The following DOCK1 variants were observed in gnomAD, a reference collection of about 807,000 sequenced individuals.
The protein encoded by DOCK1 is dedicator of cytokinesis protein 1.
Under a neutral mutation model 262.7 loss-of-function variants are expected in DOCK1, and 138 were observed. That is an observed-to-expected ratio of 0.53 (90% CI 0.46 to 0.61). The LOEUF (loss-of-function observed/expected upper bound fraction) is 0.61. DOCK1 is among the 20% of genes least tolerant of loss of function. The pLI is 0.00. For missense variants in DOCK1, 1,908 were observed against 2,370.7 expected, an observed-to-expected ratio of 0.80 and a Z score of 4.05; for synonymous variants, 866 against 867.4, an observed-to-expected ratio of 1.00 and a Z score of 0.03.
In DOCK1 at chr10:126,998,202, T is replaced by G. The variant is rs750006975; in HGVS notation, c.720T>G (p.Ala240=). 23 of 1,614,046 alleles carry G rather than the reference T, an allele frequency of 1.4e-5. No homozygotes were observed. Among genetic ancestry groups the G allele is most frequent in the Non-Finnish European group, 1.9e-5 (22 of 1,179,892 alleles). Residue 240 remains alanine, a synonymous_variant, in exon 8 of 52, where the codon GCT becomes GCG. Transcript: ENST00000623213. ...KNVVCKIGED[A]EVLMSLYDPV... is the part of the protein sequence containing the mutation. ...TGGTTTGTAAAATAGGAGAAGATGCTGAAGTCCTCATGTCTCTATATGACC... is the reference window on the plus strand; with the variant it reads ...TGGTTTGTAAAATAGGAGAAGATGCGGAAGTCCTCATGTCTCTATATGACC...
chr10:126,946,184 A>G lies in DOCK1; in HGVS notation c.47-24518A>G, dbSNP rs894193190. Reference sequence around the variant, plus strand: ...TTTCATTGGCATTAAATACATCTACAGTGTTGTGCTACTCATTCTCTGTTT... The same window carrying G: ...TTTCATTGGCATTAAATACATCTACGGTGTTGTGCTACTCATTCTCTGTTT... On this transcript the variant is annotated intron_variant, in intron 1 of 51. Coordinates refer to ENST00000623213, the MANE Select transcript of DOCK1 (RefSeq NM_001290223.2). Among the ~76,000 whole-genome samples, 8 of 152,294 alleles carry G rather than the reference A, an allele frequency of 5.3e-5. 2 individuals carry two copies. The highest frequency in any genetic ancestry group is 5.2e-4 in the Admixed American group (8 of 15,300).
At chr10:127,442,957 G>A (rs919727361) in intron 49 of DOCK1, among the ~76,000 whole-genome samples, 23 of 152,258 alleles carry the variant, frequency 1.5e-4, no homozygotes, top group African/African-American at 5.3e-4. Context: ...CTCGTGTGGG[G>A]GAGGTCTGCT....
intron 27 of DOCK1, among the ~76,000 whole-genome samples, chr10:127,242,392 A>G (rs2059294452): frequency 6.6e-6 from 1 of 152,226 alleles, no homozygotes; most frequent in Admixed American, 6.5e-5. Flanking sequence ...AATACCACCT[A>G]TGAACATTTT....
chr10:127,142,192 G>A (rs968627848), intron 27 of DOCK1, among the ~76,000 whole-genome samples: 7 of 152,344 alleles, frequency 4.6e-5, no homozygotes, highest in South Asian at 2.1e-4. Context: ...CAGACGTGCT[G>A]TGTGCACCTG....
At chr10:127,217,967 CTTTT>C (rs978123208) in intron 27 of DOCK1, among the ~76,000 whole-genome samples, 1 of 149,200 alleles carries the variant, frequency 6.7e-6, no homozygotes, top group Non-Finnish European at 1.5e-5. Context: ...TTGCTTTTTT[CTTTT>C]TTTTTTCTCA....
intron 1 of DOCK1, among the ~76,000 whole-genome samples, chr10:126,937,196 C>T (rs1381752545): frequency 1.3e-5 from 2 of 152,082 alleles, no homozygotes; most frequent in African/African-American, 4.8e-5. Context: ...AATAATATTC[C>T]ATTGTTTGTA....
At chr10:127,117,950 G>C (rs186153948) in intron 25 of DOCK1, among the ~76,000 whole-genome samples, 2 of 152,060 alleles carry the variant, frequency 1.3e-5, no homozygotes, top group Admixed American at 1.3e-4. Context: ...CTTTTCTTGG[G>C]CATAAACTCC....
chr10:127,161,421 A>G (rs1225584618), intron 27 of DOCK1, among the ~76,000 whole-genome samples: 1 of 152,198 alleles, frequency 6.6e-6, no homozygotes, highest in East Asian at 1.9e-4. Flanking sequence ...GTCAGCCAGC[A>G]TCCAACTTGC....
At chr10:127,017,587 AGTGACTCACACAGACATACG>A (rs1213371494) in intron 12 of DOCK1, among the ~76,000 whole-genome samples, 34 of 152,218 alleles carry the variant, frequency 2.2e-4, no homozygotes, top group Admixed American at 3.9e-4. Context: ...ACAGACACAC[AGTGACTCACACAGACATACG>A]CACAGCCACA....
intron 4 of DOCK1, among the ~76,000 whole-genome samples, chr10:126,983,353 A>C (rs1024598120): frequency 2.0e-5 from 3 of 151,846 alleles, no homozygotes; most frequent in Non-Finnish European, 4.4e-5. Context: ...GTTGTTGTAG[A>C]CTTCCACCTT....
At position 126,996,811 on chromosome 10, in the gene DOCK1, T is replaced by C. The variant is rs761713336; in HGVS notation, c.537T>C (p.Thr179=). 4.3e-6 allele frequency: 7 copies of C among 1,612,964 alleles called. No individual in the cohort carries two copies. The South Asian group carries it at 6.6e-5, about 15-fold the overall frequency. Residue 179 remains threonine (T), a synonymous_variant, in exon 7 of 52, where the codon ACT becomes ACC. Transcript: ENST00000623213. The part of the protein sequence containing the change: ...EDGNILDPEL[T]STISLFRAHE... ...GGAATATTTTGGATCCAGAATTAAC[T>C]AGCACGATTAGTCTCTTCAGAGCTC...
chr10:127,151,561 G>A (rs1237732765), intron 27 of DOCK1, among the ~76,000 whole-genome samples: 1 of 152,172 alleles, frequency 6.6e-6, no homozygotes, highest in Non-Finnish European at 1.5e-5. Flanking sequence ...TTATAAGGGG[G>A]TGACAGTCGG....
chr10:127,050,387 A>G (rs2044639847), intron 21 of DOCK1, among the ~76,000 whole-genome samples: 1 of 146,878 alleles, frequency 6.8e-6, no homozygotes, highest in Non-Finnish European at 1.5e-5. Flanking sequence ...AATAGATATT[A>G]TAATACATAT....
intron 29 of DOCK1, among the ~76,000 whole-genome samples, chr10:127,331,529 A>G (rs913750870): frequency 2.0e-5 from 3 of 152,002 alleles, no homozygotes; most frequent in African/African-American, 7.2e-5. Context: ...TGATCCACCC[A>G]CCTTGGCCTC....
At chr10:127,229,653 C>A (rs1190101306) in intron 27 of DOCK1, among the ~76,000 whole-genome samples, 2 of 152,132 alleles carry the variant, frequency 1.3e-5, no homozygotes, top group Non-Finnish European at 2.9e-5. Context: ...TAGGCTGTTT[C>A]CCTATTTTGA....
rs563937603 is a variant in DOCK1 at position 127,006,487 on chromosome 10, C to T, written c.986-2245C>T. ...GGCTGGCTGGCTGGGGGAATTTTTC[C>T]CCCAAGTCCTTTATTTCCTCCTTTG... is the stretch of plus-strand genomic sequence containing the variant. On this transcript the variant is annotated intron_variant, in intron 10 of 51. Transcript: ENST00000623213. Among the ~76,000 whole-genome samples the T allele has an allele frequency of 1.6e-4, 25 of 152,322 alleles. No homozygotes were observed. The East Asian group carries it at 4.3e-3, about 26-fold the overall frequency.
intron 1 of DOCK1, among the ~76,000 whole-genome samples, chr10:126,909,180 G>A (rs1025154164): frequency 6.6e-6 from 1 of 152,150 alleles, no homozygotes; most frequent in African/African-American, 2.4e-5. Flanking sequence ...ACAGTTGCTG[G>A]CCCTGAGATG....
At chr10:127,309,252 G>C (rs1220153169) in intron 29 of DOCK1, among the ~76,000 whole-genome samples, 2 of 151,720 alleles carry the variant, frequency 1.3e-5, no homozygotes, top group African/African-American at 2.4e-5. Context: ...AGAAATGTCT[G>C]TTCATATCCT....
chr10:126,945,839 T>C (rs1360377731), intron 1 of DOCK1, among the ~76,000 whole-genome samples: 1 of 152,204 alleles, frequency 6.6e-6, no homozygotes, highest in Non-Finnish European at 1.5e-5. Context: ...CAGTTCAGTG[T>C]CGGAGTGGCC....
Sources: allele counts gnomAD v4.1 joint callset (sites outside exome capture counted in the v4.1 genomes callset), GRCh38; gene constraint gnomAD v4.1.1; transcripts MANE v1.5; gene names NCBI Gene and HGNC (gene_info 2026-07-23, HGNC 2026-07-21).